NUDCD3: variants seen among roughly 807,000 people sequenced by gnomAD.
NUDCD3 encodes the protein nudC domain-containing protein 3.
Under a neutral mutation model 39.7 loss-of-function variants are expected in NUDCD3, and 13 were observed. The ratio of observed to expected loss-of-function variants is 0.33; its 90% CI spans 0.21 to 0.52. The LOEUF (loss-of-function observed/expected upper bound fraction) is 0.52. NUDCD3 is among the 20% of genes least tolerant of loss of function. The pLI, the probability that NUDCD3 is intolerant of heterozygous loss-of-function variation, is 0.96. For missense variants in NUDCD3, 453 were observed against 458.1 expected (o/e 0.99, Z 0.10); for synonymous variants, 175 against 172.4 (o/e 1.02, Z -0.12).
chr7:44,419,174 G>T (rs897972524), intron 3 of NUDCD3, among the ~76,000 whole-genome samples: 20 of 152,158 alleles, frequency 1.3e-4, no homozygotes, highest in African/African-American at 4.1e-4. Flanking sequence ...CATTACTGAG[G>T]CTTGAGTAGG....
At chr7:44,415,927 CT>C (rs565129330) in intron 3 of NUDCD3, among the ~76,000 whole-genome samples, 169 of 152,290 alleles carry the variant, frequency 1.1e-3, no homozygotes, top group African/African-American at 3.9e-3. Flanking sequence ...TAGGGAATAA[CT>C]GGCCAGGCCA....
At chr7:44,475,990 T>C (rs1013205175) in intron 2 of NUDCD3, among the ~76,000 whole-genome samples, 1 of 152,172 alleles carries the variant, frequency 6.6e-6, no homozygotes, top group Non-Finnish European at 1.5e-5. Context: ...GTGCACACTC[T>C]GTCAGGAATC....
intron 3 of NUDCD3, among the ~76,000 whole-genome samples, chr7:44,421,487 CAAAAA>C (rs35044732): frequency 6.3e-5 from 7 of 111,472 alleles, no homozygotes; most frequent in African/African-American, 2.5e-4. Flanking sequence ...AAATGGAAAG[CAAAAA>C]AAAAAAAAAA....
chr7:44,446,697 C>T (rs1252277001), intron 2 of NUDCD3, among the ~76,000 whole-genome samples: 1 of 152,216 alleles, frequency 6.6e-6, no homozygotes, highest in Non-Finnish European at 1.5e-5. Context: ...GTCTGCGTAT[C>T]TCACTTCAAG....
chr7:44,392,566 G>A, intron 4 of NUDCD3, 81 bp from the exon 5 acceptor site: 1 of 1,247,890 alleles, frequency 8.0e-7, no homozygotes, highest in Non-Finnish European at 1.1e-6. Context: ...AGCCCACTGA[G>A]GGATGGGTGT....
chr7:44,483,826 T>G (rs1196130836), intron 2 of NUDCD3, among the ~76,000 whole-genome samples: 2 of 152,138 alleles, frequency 1.3e-5, no homozygotes, highest in African/African-American at 4.8e-5. Flanking sequence ...TAGCCAGGTA[T>G]AGTGGCAGAC....
chr7:44,483,341 T>C (rs1318392239), intron 2 of NUDCD3, among the ~76,000 whole-genome samples: 1 of 152,064 alleles, frequency 6.6e-6, no homozygotes, highest in East Asian at 1.9e-4. Context: ...AAAAAAAGTG[T>C]CAACCTGCAA....
intron 3 of NUDCD3, among the ~76,000 whole-genome samples, chr7:44,420,888 C>T (rs530119807): frequency 2.0e-5 from 3 of 152,248 alleles, no homozygotes; most frequent in African/African-American, 7.2e-5. Context: ...CCAGCCACTG[C>T]AAAAACATAC....
At chr7:44,471,208 T>C (rs1185481283) in intron 2 of NUDCD3, among the ~76,000 whole-genome samples, 7 of 152,242 alleles carry the variant, frequency 4.6e-5, no homozygotes, top group Non-Finnish European at 8.8e-5. Context: ...GATATCCTGA[T>C]ATCAAATGGT....
intron 4 of NUDCD3, 125 bp downstream of exon 4, chr7:44,404,315 T>C: frequency 1.0e-6 from 1 of 961,408 alleles, no homozygotes; most frequent in Non-Finnish European, 1.6e-6. Flanking sequence ...GGAAAACCCA[T>C]CTGCCCCAGC....
rs113277199 is a variant in NUDCD3, at chr7:44,456,164, C to T, written c.510-28461G>A. 1.4e-4 allele frequency among the ~76,000 whole-genome samples: 21 copies of T among 150,250 alleles called. No individual in the cohort carries two copies. In the South Asian group the frequency reaches 2.5e-3, roughly 18 times the overall value. On this transcript the variant is annotated intron_variant, in intron 2 of 5. Coordinates refer to ENST00000355451, the MANE Select transcript of NUDCD3 (RefSeq NM_015332.4). ...CAACACTAGGATTAGAGAACATAGC[C>T]GAGGAAGTCATGTGTGGGTTTTCCC...
At chr7:44,426,446 T>C (rs1351107686) in intron 3 of NUDCD3, among the ~76,000 whole-genome samples, 1 of 151,978 alleles carries the variant, frequency 6.6e-6, no homozygotes, top group African/African-American at 2.4e-5. Context: ...GGTGTGGGGA[T>C]CAGGAAGCTT....
chr7:44,444,750 C>T (rs1174964815), intron 2 of NUDCD3, among the ~76,000 whole-genome samples: 1 of 152,140 alleles, frequency 6.6e-6, no homozygotes, highest in Non-Finnish European at 1.5e-5. Context: ...ATCCCCAAGC[C>T]CTTCTTACCC....
At chr7:44,446,142 T>G (rs576539118) in intron 2 of NUDCD3, among the ~76,000 whole-genome samples, 10 of 152,228 alleles carry the variant, frequency 6.6e-5, no homozygotes, top group Non-Finnish European at 1.3e-4. Context: ...TAGACATCCT[T>G]AGCCAAGCCT....
At chr7:44,465,741 C>T (rs775910730) in intron 2 of NUDCD3, among the ~76,000 whole-genome samples, 6 of 152,024 alleles carry the variant, frequency 3.9e-5, no homozygotes, top group African/African-American at 1.5e-4. Flanking sequence ...AACAGAGCCA[C>T]AGACAGGGCC....
chr7:44,463,466 TAACAGG>T (rs1800057037), intron 2 of NUDCD3, among the ~76,000 whole-genome samples: 1 of 152,116 alleles, frequency 6.6e-6, no homozygotes, highest in Non-Finnish European at 1.5e-5. Context: ...CCAGACAGGC[TAACAGG>T]AACCTCAAAT....
intron 1 of NUDCD3, among the ~76,000 whole-genome samples, chr7:44,487,502 G>A (rs1291732404): frequency 6.6e-6 from 1 of 151,954 alleles, no homozygotes; most frequent in Non-Finnish European, 1.5e-5. Context: ...TAGGAGTGGG[G>A]AGGTCAGGAG....
chr7:44,418,723 AC>A (rs1261907272), intron 3 of NUDCD3, among the ~76,000 whole-genome samples: 1 of 152,154 alleles, frequency 6.6e-6, no homozygotes, highest in Non-Finnish European at 1.5e-5. Context: ...CAACTGAGGT[AC>A]CCTGTTCATC....
chr7:44,428,123 TAAAAAAAAAAAA>T (rs55642004), intron 2 of NUDCD3, among the ~76,000 whole-genome samples: 11 of 76,102 alleles, frequency 1.4e-4, no homozygotes, highest in Admixed American at 4.9e-4. Context: ...GGTCAATCTT[TAAAAAAAAAAAA>T]AAAAAAAAAA....
Sources: gnomAD v4.1 joint callset for allele counts (sites outside exome capture counted in the v4.1 genomes callset) on GRCh38, gnomAD v4.1.1 for gene constraint, MANE v1.5 for transcripts, NCBI Gene and HGNC (gene_info 2026-07-23, HGNC 2026-07-21) for gene names.